The following GPT2 variants were observed in gnomAD, a reference collection of about 807,000 sequenced individuals.
The protein encoded by GPT2 is alanine aminotransferase 2.
Under a neutral mutation model 56.9 loss-of-function variants are expected in GPT2, and 30 were observed. The ratio of observed to expected loss-of-function variants is 0.53; its 90% CI spans 0.39 to 0.72. GPT2 has a LOEUF of 0.72. GPT2 is among the 30% of genes least tolerant of loss of function. The pLI is 0.00. For missense variants in GPT2, 542 were observed against 703.4 expected (o/e 0.77, Z 2.60); for synonymous variants, 271 against 283.1 (o/e 0.96, Z 0.43).
chr16:46,906,234 G>A (rs371494187), intron 4 of GPT2, among the ~76,000 whole-genome samples: 1 of 152,084 alleles, frequency 6.6e-6, no homozygotes, highest in East Asian at 1.9e-4. Context: ...CACCACACCT[G>A]GCTGATTTTG....
chr16:46,891,650 G>A (rs552851107), intron 2 of GPT2, among the ~76,000 whole-genome samples: 3 of 152,220 alleles, frequency 2.0e-5, no homozygotes, highest in South Asian at 4.1e-4. Flanking sequence ...CGCCCGGGCA[G>A]TAGATGTATT....
At chr16:46,914,408 C>T (rs1022664166) in intron 6 of GPT2, among the ~76,000 whole-genome samples, 1 of 152,168 alleles carries the variant, frequency 6.6e-6, no homozygotes, top group Non-Finnish European at 1.5e-5. Flanking sequence ...TGGTGGCTTA[C>T]GCCTGTAGTT....
At chr16:46,927,469 C>T (rs568905607) in intron 11 of GPT2, among the ~76,000 whole-genome samples, 160 of 152,304 alleles carry the variant, frequency 1.1e-3, no homozygotes, top group African/African-American at 3.7e-3. Flanking sequence ...CAGAGCCTGC[C>T]GAGGAACTGC....
intron 2 of GPT2, among the ~76,000 whole-genome samples, chr16:46,894,752 G>A (rs1454545635): frequency 3.3e-5 from 5 of 151,686 alleles, no homozygotes; most frequent in African/African-American, 9.7e-5. Context: ...TGCAAGCTCC[G>A]CCTCCCAGCT....
intron 4 of GPT2, among the ~76,000 whole-genome samples, chr16:46,901,217 C>G (rs1398947687): frequency 6.6e-6 from 1 of 152,186 alleles, no homozygotes; most frequent in Non-Finnish European, 1.5e-5. Context: ...CAGCCAATTG[C>G]TAGGGAAGGG....
At chr16:46,899,874 A>T (rs1450921017) in intron 3 of GPT2, among the ~76,000 whole-genome samples, 1 of 152,188 alleles carries the variant, frequency 6.6e-6, no homozygotes, top group East Asian at 1.9e-4. Context: ...TGGCAGGCCC[A>T]GCCTCTCCAG....
chr16:46,921,192 G>A (rs1194876683), intron 8 of GPT2, among the ~76,000 whole-genome samples: 1 of 152,132 alleles, frequency 6.6e-6, no homozygotes, highest in Admixed American at 6.6e-5. Flanking sequence ...GTTTTGAGAT[G>A]TAATCTCGCT....
Position 46,929,068 on chromosome 16 carries a change from T to C in GPT2, c.*71T>C. ...CAATGCCCGTCAGGCTGAACTCGCC[T>C]CCCCCGTGACTCTGCCTCGGGCCTC... On this transcript the variant is annotated 3_prime_UTR_variant, in exon 12 of 12. Transcript: ENST00000340124. 8.0e-7 allele frequency: 1 copy of C among 1,246,480 alleles called. No homozygotes were observed. Among genetic ancestry groups the C allele is most frequent in the Non-Finnish European group, 1.2e-6 (1 of 849,404 alleles). 77.2% of individuals were successfully genotyped at this position (1,246,480 alleles called of 1,614,324 possible). A position where few individuals can be genotyped will look rare whatever the true frequency, so the allele number is the denominator to read the frequency against.
intron 2 of GPT2, among the ~76,000 whole-genome samples, chr16:46,889,658 T>C (rs1211277144): frequency 1.3e-5 from 2 of 152,198 alleles, no homozygotes; most frequent in African/African-American, 4.8e-5. Flanking sequence ...GGCTCTGCCT[T>C]TGTGTGCTAT....
chr16:46,907,114 C>G, intron 5 of GPT2, 139 bp downstream of exon 5: 1 of 1,082,540 alleles, frequency 9.2e-7, no homozygotes, highest in South Asian at 1.5e-5. Flanking sequence ...CCAGCCCTGG[C>G]AGCCTGCAGT....
Position 46,929,258 on chromosome 16 carries a change from T to C in GPT2, c.*261T>C, listed in dbSNP as rs187963620. The C allele has an allele frequency of 2.8e-4, 123 of 441,056 alleles. No individual in the cohort carries two copies. Among genetic ancestry groups the C allele is most frequent in the African/African-American group, 1.6e-3 (81 of 51,304 alleles). 27.3% of individuals were successfully genotyped at this position (441,056 alleles called of 1,614,324 possible). ...TGACCAGGGTTCTCTGAATCTGTTATTGTTTTTGCTTCTGGAAAGTTCATT... is the reference window on the plus strand; with the variant it reads ...TGACCAGGGTTCTCTGAATCTGTTACTGTTTTTGCTTCTGGAAAGTTCATT... On this transcript the variant is annotated 3_prime_UTR_variant, in exon 12 of 12. Coordinates refer to ENST00000340124, the MANE Select transcript of GPT2 (RefSeq NM_133443.4).
chr16:46,889,522 C>A (rs990172261), intron 2 of GPT2, among the ~76,000 whole-genome samples: 1 of 152,002 alleles, frequency 6.6e-6, no homozygotes, highest in Non-Finnish European at 1.5e-5. Flanking sequence ...CCCAAAGCGC[C>A]AGGATTACCT....
chr16:46,918,862 G>A, intron 8 of GPT2, 105 bp downstream of exon 8: 1 of 1,390,474 alleles, frequency 7.2e-7, no homozygotes. Flanking sequence ...TGGAGAGAAG[G>A]CTGCCCTTAT....
chr16:46,884,846 G>A lies in GPT2; in HGVS notation c.131G>A (p.Arg44His), dbSNP rs1335887372. 1.3e-6 allele frequency: 2 copies of A among 1,542,176 alleles called. No homozygotes were observed. The highest frequency in any genetic ancestry group is 1.7e-6 in the Non-Finnish European group (2 of 1,144,222). ...VLKVRPERSR[R>H]ERILTLESMN... ...AAGGTGCGGCCCGAGCGCAGCCGGCGCGAGCGCATCCTCACGCTGGAGTCC... is the reference window on the plus strand; with the variant it reads ...AAGGTGCGGCCCGAGCGCAGCCGGCACGAGCGCATCCTCACGCTGGAGTCC... Residue 44 changes from arginine (R) to histidine (H), a missense_variant, in exon 2 of 12, where the codon CGC (arginine) becomes CAC (histidine). Arg to His is a conservative substitution (Grantham distance 29). Coordinates refer to ENST00000340124, the MANE Select transcript of GPT2 (RefSeq NM_133443.4).
At position 46,900,672 on chromosome 16, in the gene GPT2, G is replaced by T. The variant is rs978018328; in HGVS notation, c.334-10G>T. The T allele has an allele frequency of 3.1e-6, 5 of 1,608,766 alleles. No individual in the cohort carries two copies. Among genetic ancestry groups the T allele is most frequent in the South Asian group, 2.2e-5 (2 of 90,924 alleles). On this transcript the variant is annotated splice_polypyrimidine_tract_variant and intron_variant, in intron 3 of 11. Transcript: ENST00000340124. The stretch of plus-strand genomic sequence containing the variant: ...GTGCTGGGAGCTCAGCCTGTGTCTT[G>T]TTCCCCCAGGTGATGGCACTATGCA...
chr16:46,901,902 C>T (rs1204257166), intron 4 of GPT2, among the ~76,000 whole-genome samples: 1 of 152,238 alleles, frequency 6.6e-6, no homozygotes, highest in East Asian at 1.9e-4. Context: ...AAACCACAGG[C>T]TGGCAGAAAG....
chr16:46,929,094 G>T lies in GPT2; in HGVS notation c.*97G>T. On this transcript the variant is annotated 3_prime_UTR_variant, in exon 12 of 12. Coordinates refer to ENST00000340124, the MANE Select transcript of GPT2 (RefSeq NM_133443.4). ...CCCCCGTGACTCTGCCTCGGGCCTC[G>T]CAGAGGCCGCTGGTCACTTCGTCAT... The T allele has an allele frequency of 1.1e-6, 1 of 884,592 alleles. No individual in the cohort carries two copies. Among genetic ancestry groups the T allele is most frequent in the Non-Finnish European group, 1.9e-6 (1 of 531,494 alleles). The allele number at this position is 884,592 out of a possible 1,614,324, so 54.8% of individuals were successfully genotyped here. A position where few individuals can be genotyped will look rare whatever the true frequency, so the allele number is the denominator to read the frequency against.
rs117401547 is a variant in GPT2, at chr16:46,902,168, G to A, written c.442+1378G>A. Among the ~76,000 whole-genome samples, 8 of 152,362 alleles carry A rather than the reference G, an allele frequency of 5.3e-5. No individual in the cohort carries two copies. The East Asian group carries it at 1.5e-3, about 29-fold the overall frequency. ...TTTTTGCAACTTCGTGTGAGCCAGA[G>A]CTGGGGTAGTGGGGCTGAGAGACTG... On this transcript the variant is annotated intron_variant, in intron 4 of 11. Transcript: ENST00000340124.
intron 10 of GPT2, among the ~76,000 whole-genome samples, chr16:46,925,729 TGGGA>T (rs1961393185): frequency 6.6e-6 from 1 of 151,806 alleles, no homozygotes; most frequent in South Asian, 2.1e-4. Context: ...GATGCTGAGG[TGGGA>T]GGATCGCCTG....
Sources: allele counts gnomAD v4.1 joint callset (sites outside exome capture counted in the v4.1 genomes callset), GRCh38; gene constraint gnomAD v4.1.1; transcripts MANE v1.5; gene names NCBI Gene and HGNC (gene_info 2026-07-23, HGNC 2026-07-21).